Variants in SNAPC2 observed in about 807,000 individuals in gnomAD.
SNAPC2 encodes the protein small nuclear RNA activating complex polypeptide 2, also known as snRNA-activating protein complex subunit 2.
Under a neutral mutation model 22.9 loss-of-function variants are expected in SNAPC2, and 27 were observed. That is an observed-to-expected ratio of 1.18 (90% confidence interval 0.87 to 1.63). The LOEUF is 1.63. SNAPC2 is among the 40% of genes most tolerant of loss of function. The pLI is 0.00. For synonymous variants in SNAPC2, 272 were observed against 201.0 expected (o/e 1.35, Z -2.99); for missense variants, 570 against 449.1 (o/e 1.27, Z -2.43).
In SNAPC2 at chr19:7,922,822, C is replaced by A; in HGVS notation, c.*58C>A. Reference sequence around the variant, plus strand: ...CCCCGCCCTGCCCCTCGGTTCTGCTCGGCTGGCCCTGGCTCTTTCTGAGGA... The same window carrying A: ...CCCCGCCCTGCCCCTCGGTTCTGCTAGGCTGGCCCTGGCTCTTTCTGAGGA... On this transcript the variant is annotated 3_prime_UTR_variant, in exon 5 of 5. Transcript: ENST00000221573. The A allele has an allele frequency of 1.5e-6, 2 of 1,356,054 alleles. No individual in the cohort carries two copies. Among genetic ancestry groups the A allele is most frequent in the South Asian group, 2.8e-5 (2 of 71,690 alleles). The allele number at this position is 1,356,054 out of a possible 1,614,324, so 84.0% of individuals were successfully genotyped here.
At chr19:7,921,679 G>T in intron 2 of SNAPC2, 26 bp from the exon 3 acceptor site, 1 of 1,612,768 alleles carries the variant, frequency 6.2e-7, no homozygotes, top group Non-Finnish European at 8.5e-7. Flanking sequence ...TCCCTGGGCT[G>T]ACCCTGTACC....
At position 7,922,207 on chromosome 19, in the gene SNAPC2, C is replaced by G; in HGVS notation, c.545C>G (p.Pro182Arg). ...PAAPSSAPRTPDPAPEKPSES... is the reference protein window; with the variant it reads ...PAAPSSAPRTRDPAPEKPSES... ...GCACCTAGCTCCGCACCCAGGACTC[C>G]TGACCCTGCCCCTGAGAAACCTTCT... is the stretch of plus-strand genomic sequence containing the variant. Residue 182 changes from proline to arginine, a missense_variant, in exon 4 of 5, where the codon CCT becomes CGT. By Grantham distance (103) the Pro-to-Arg change is moderately radical. Transcript: ENST00000221573. The G allele has an allele frequency of 1.9e-6, 3 of 1,614,180 alleles. No individual in the cohort carries two copies. The highest frequency in any genetic ancestry group is 2.5e-6 in the Non-Finnish European group (3 of 1,180,026).
intron 1 of SNAPC2, chr19:7,921,060 AGATGC>A: frequency 8.5e-7 from 1 of 1,182,504 alleles, no homozygotes; most frequent in Non-Finnish European, 1.1e-6. Flanking sequence ...ACTGGGAGTA[AGATGC>A]TGCCGAGTCC....
At chr19:7,921,207 G>T in intron 1 of SNAPC2, 1 of 1,415,222 alleles carries the variant, frequency 7.1e-7, no homozygotes, top group Non-Finnish European at 9.2e-7. Flanking sequence ...GCGTGAAGGA[G>T]CCGGAACTGG....
chr19:7,921,582 C>A, intron 2 of SNAPC2, 40 bp downstream of exon 2: 4 of 1,604,040 alleles, frequency 2.5e-6, no homozygotes, highest in Non-Finnish European at 3.4e-6. Flanking sequence ...CAGGGCAGGT[C>A]CCTGGTGGGT....
chr19:7,920,394 G>T lies in SNAPC2; in HGVS notation c.28G>T (p.Ala10Ser), dbSNP rs1351983295. MKPPPRRRAAPARYLGEVTG... is the reference protein window; with the variant it reads MKPPPRRRASPARYLGEVTG... ...GAAGCCACCTCCCAGGCGGCGAGCGGCCCCGGCGCGCTATCTGGGCGAGGT... is the reference window on the plus strand; with the variant it reads ...GAAGCCACCTCCCAGGCGGCGAGCGTCCCCGGCGCGCTATCTGGGCGAGGT... The change falls in exon 1 of 5, where the codon GCC becomes TCC. Residue 10 changes from alanine (A) to serine (S), a missense_variant. Ala to Ser is a moderately conservative substitution (Grantham distance 99). Transcript: ENST00000221573. The T allele has an allele frequency of 1.9e-6, 3 of 1,580,360 alleles. No individual in the cohort carries two copies. Among genetic ancestry groups the T allele is most frequent in the East Asian group, 4.8e-5 (2 of 41,956 alleles).
intron 1 of SNAPC2, chr19:7,921,180 A>G: frequency 7.0e-7 from 1 of 1,420,128 alleles, no homozygotes; most frequent in Non-Finnish European, 9.2e-7. Context: ...TAGTCAGCAT[A>G]GGGTTGGGCC....
At chr19:7,920,582 T>G (rs1599639707) in intron 1 of SNAPC2, 33 bp downstream of exon 1, 3 of 544,616 alleles carry the variant, frequency 5.5e-6, no homozygotes, top group South Asian at 3.8e-5. Context: ...GGAGCCAGGC[T>G]GGAGGCGGGG....
At chr19:7,920,750 C>A in intron 1 of SNAPC2, 1 of 459,144 alleles carries the variant, frequency 2.2e-6, no homozygotes, top group Non-Finnish European at 3.6e-6. Context: ...GAAGAGAAGA[C>A]CTAGGGGCGG....
At position 7,922,821 on chromosome 19, in the gene SNAPC2, T is replaced by C. The variant is rs1188143790; in HGVS notation, c.*57T>C. 5.8e-6 allele frequency: 8 copies of C among 1,369,216 alleles called. No homozygotes were observed. The highest frequency in any genetic ancestry group is 7.9e-6 in the Non-Finnish European group (8 of 1,006,708). 84.8% of individuals were successfully genotyped at this position (1,369,216 alleles called of 1,614,324 possible). A position where few individuals can be genotyped will look rare whatever the true frequency, so the allele number is the denominator to read the frequency against. ...CCCCCGCCCTGCCCCTCGGTTCTGCTCGGCTGGCCCTGGCTCTTTCTGAGG... is the reference window on the plus strand; with the variant it reads ...CCCCCGCCCTGCCCCTCGGTTCTGCCCGGCTGGCCCTGGCTCTTTCTGAGG... On this transcript the variant is annotated 3_prime_UTR_variant, in exon 5 of 5. Transcript: ENST00000221573.
chr19:7,922,048 C>G lies in SNAPC2; in HGVS notation c.386C>G (p.Ala129Gly). The G allele has an allele frequency of 6.2e-7, 1 of 1,608,226 alleles. No homozygotes were observed. Among genetic ancestry groups the G allele is most frequent in the Non-Finnish European group, 8.5e-7 (1 of 1,176,022 alleles). The change falls in exon 4 of 5, where the codon GCG (alanine) becomes GGG (glycine). Residue 129 changes from alanine (A) to glycine (G), a missense_variant. By Grantham distance (60) the Ala-to-Gly change is moderately conservative (BLOSUM62 0). Transcript: ENST00000221573. ...TCTGCCTGCCAGGTGCTCACCATCGCGGCCACGGAACCGGTCACCCTCCTG... is the reference window on the plus strand; with the variant it reads ...TCTGCCTGCCAGGTGCTCACCATCGGGGCCACGGAACCGGTCACCCTCCTG... Reference protein sequence around the residue: ...AVAFSQVLTIAATEPVTLLHS... With the variant: ...AVAFSQVLTIGATEPVTLLHS...
At chr19:7,920,667 G>T in intron 1 of SNAPC2, 118 bp downstream of exon 1, 1 of 632,124 alleles carries the variant, frequency 1.6e-6, no homozygotes, top group Non-Finnish European at 2.5e-6. Context: ...AGCGAGCGGG[G>T]GCGTGGCGTG....
chr19:7,921,246 T>C lies in SNAPC2; in HGVS notation c.184-177T>C, dbSNP rs150443700. ...GGGCCTTACAACTTCCTTAGGTAGCTGGTCACGCTCTGGGTGGGGTAGGGG... is the reference window on the plus strand; with the variant it reads ...GGGCCTTACAACTTCCTTAGGTAGCCGGTCACGCTCTGGGTGGGGTAGGGG... On this transcript the variant is annotated intron_variant, in intron 1 of 4. Coordinates refer to ENST00000221573, the MANE Select transcript of SNAPC2 (RefSeq NM_003083.4). The C allele has an allele frequency of 5.3e-4, 752 of 1,407,496 alleles. 8 individuals are homozygous for C. In the East Asian group the frequency reaches 0.014, roughly 27 times the overall value. The allele number at this position is 1,407,496 out of a possible 1,614,324, so 87.2% of individuals were successfully genotyped here.
chr19:7,920,882 G>A, intron 1 of SNAPC2: 2 of 952,010 alleles, frequency 2.1e-6, no homozygotes, highest in Non-Finnish European at 1.3e-6. Flanking sequence ...TGAGGGGCAG[G>A]ACGAGCCTGG....
In SNAPC2 at chr19:7,920,374, C is replaced by T; in HGVS notation, c.8C>T (p.Pro3Leu). 6.3e-7 allele frequency: 1 copy of T among 1,577,178 alleles called. No homozygotes were observed. The highest frequency in any genetic ancestry group is 8.5e-7 in the Non-Finnish European group (1 of 1,169,592). Residue 3 changes from proline (P) to leucine (L), a missense_variant, in exon 1 of 5, where the codon CCA (proline) becomes CTA (leucine). Pro to Leu is a moderately conservative substitution (Grantham distance 98, BLOSUM62 -3). Transcript: ENST00000221573. The part of the protein sequence containing the change: MK[P>L]PPRRRAAPAR... ...TGCCTCTTTCTGAGCGGCATGAAGC[C>T]ACCTCCCAGGCGGCGAGCGGCCCCG...
intron 1 of SNAPC2, chr19:7,920,819 G>A: frequency 2.0e-6 from 1 of 510,060 alleles, no homozygotes; most frequent in East Asian, 4.9e-5. Context: ...GCGGGGCGAT[G>A]CCGGGGGCGG....
intron 3 of SNAPC2, 85 bp from the exon 4 acceptor site, chr19:7,921,950 T>A: frequency 6.8e-7 from 1 of 1,471,690 alleles, no homozygotes; most frequent in Admixed American, 1.8e-5. Flanking sequence ...AGGAGCATCT[T>A]AGGGTGGCAG....
intron 1 of SNAPC2, 48 bp downstream of exon 1, chr19:7,920,597 G>A: frequency 9.5e-7 from 1 of 1,057,594 alleles, no homozygotes; most frequent in Non-Finnish European, 1.3e-6. Context: ...GCGGGGCTGG[G>A]GTGGGGCGGA....
chr19:7,922,636 C>G lies in SNAPC2; in HGVS notation c.877C>G (p.Pro293Ala). The G allele has an allele frequency of 6.2e-7, 1 of 1,611,806 alleles. No individual in the cohort carries two copies. The highest frequency in any genetic ancestry group is 8.5e-7 in the Non-Finnish European group (1 of 1,179,146). The change falls in exon 5 of 5, where the codon CCC becomes GCC. Residue 293 changes from proline (P) to alanine (A), a missense_variant. Transcript: ENST00000221573. ...GAGSKAPEET[P>A]PATEKAEHSE... ...TGGCTCCAAGGCACCAGAGGAGACC[C>G]CCCCAGCCACCGAGAAGGCCGAGCA... is the stretch of plus-strand genomic sequence containing the variant.
Sources: allele counts gnomAD v4.1 joint callset, GRCh38; gene constraint gnomAD v4.1.1; transcripts MANE v1.5; gene names NCBI Gene and HGNC (gene_info 2026-07-23, HGNC 2026-07-21).